Variants in SLC45A2 observed in about 807,000 individuals in gnomAD.
The protein encoded by SLC45A2 is solute carrier family 45 member 2.
In SLC45A2, 36 loss-of-function variants were observed where a neutral mutation model predicts 45.5. The observed-to-expected ratio is 0.79, with a 90% confidence interval of 0.61 to 1.04. The LOEUF is 1.04. Among genes scored for constraint, SLC45A2 ranks in the 50% least tolerant of loss-of-function variants. The probability of loss-of-function intolerance (pLI) is 0.00; values close to 1 mark genes in which losing one functional copy is unlikely to be tolerated. For synonymous variants in SLC45A2, 306 were observed against 269.3 expected, an observed-to-expected ratio of 1.14 and a Z score of -1.33; for missense variants, 719 against 671.0, an observed-to-expected ratio of 1.07 and a Z score of -0.79.
intron 3 of SLC45A2, among the ~76,000 whole-genome samples, chr5:33,959,304 G>A (rs962658213): frequency 2.6e-5 from 4 of 151,990 alleles, no homozygotes; most frequent in Non-Finnish European, 4.4e-5. Flanking sequence ...TTTAATGACC[G>A]CATGAATGTT....
intron 3 of SLC45A2, among the ~76,000 whole-genome samples, chr5:33,958,240 A>G (rs1752335195): frequency 6.6e-6 from 1 of 152,208 alleles, no homozygotes; most frequent in Non-Finnish European, 1.5e-5. Flanking sequence ...GATCTGGTTT[A>G]AACTTCTGAA....
intron 5 of SLC45A2, among the ~76,000 whole-genome samples, chr5:33,950,126 G>A (rs1038298394): frequency 6.6e-6 from 1 of 152,056 alleles, no homozygotes; most frequent in African/African-American, 2.4e-5. Context: ...GAAGGTTGAG[G>A]CTGCAGTGAG....
intron 2 of SLC45A2, among the ~76,000 whole-genome samples, chr5:33,981,512 C>A (rs1753072405): frequency 1.3e-5 from 2 of 152,306 alleles, no homozygotes; most frequent in South Asian, 4.1e-4. Context: ...GGCCAGGATC[C>A]TCCTGTCGCC....
At chr5:33,979,025 A>C (rs1753002818) in intron 2 of SLC45A2, among the ~76,000 whole-genome samples, 1 of 152,250 alleles carries the variant, frequency 6.6e-6, no homozygotes, top group Non-Finnish European at 1.5e-5. Context: ...AACTCATAAA[A>C]ATACTGTCAA....
chr5:33,959,024 T>A (rs1286009483), intron 3 of SLC45A2, among the ~76,000 whole-genome samples: 2 of 152,218 alleles, frequency 1.3e-5, no homozygotes, highest in African/African-American at 4.8e-5. Context: ...AATCACCACA[T>A]TATTTTTTAA....
intron 5 of SLC45A2, among the ~76,000 whole-genome samples, chr5:33,948,440 A>G (rs944203109): frequency 6.6e-6 from 1 of 152,242 alleles, no homozygotes; most frequent in African/African-American, 2.4e-5. Flanking sequence ...CAGAGGATAA[A>G]TAACAGATAC....
chr5:33,970,850 A>G (rs1471045144), intron 2 of SLC45A2: 1 of 325,468 alleles, frequency 3.1e-6, no homozygotes, highest in Non-Finnish European at 6.0e-6. Flanking sequence ...ATAAACAAAT[A>G]GCACTTCTCA....
Position 33,971,729 on chromosome 5 carries a change from C to T in SLC45A2, c.563-7713G>A, listed in dbSNP as rs538614443. 9.2e-5 allele frequency among the ~76,000 whole-genome samples: 14 copies of T among 152,248 alleles called. No homozygotes were observed. The South Asian group carries it at 2.5e-3, about 27-fold the overall frequency. On this transcript the variant is annotated intron_variant, in intron 2 of 6. Coordinates refer to ENST00000296589, the MANE Select transcript of SLC45A2 (RefSeq NM_016180.5). The stretch of plus-strand genomic sequence containing the variant: ...GTAACCTCCACCTTCTGGGTTCAAG[C>T]GATTCTCCTGCCTCAGCCTTCTGAG...
At chr5:33,970,758 T>C (rs776465073) in intron 2 of SLC45A2, 6 of 248,666 alleles carry the variant, frequency 2.4e-5, no homozygotes, top group Non-Finnish European at 4.7e-5. Flanking sequence ...CTATTCAAGA[T>C]AGTGGTGGTC....
chr5:33,952,678 T>G (rs900683412), intron 4 of SLC45A2, among the ~76,000 whole-genome samples: 2 of 88,054 alleles, frequency 2.3e-5, no homozygotes, highest in East Asian at 4.4e-4. Flanking sequence ...GCAAAAGTTT[T>G]TTTTTTTTTT....
chr5:33,961,585 T>G (rs1752457424), intron 3 of SLC45A2, among the ~76,000 whole-genome samples: 1 of 152,192 alleles, frequency 6.6e-6, no homozygotes, highest in Non-Finnish European at 1.5e-5. Context: ...ATCTCTTCCA[T>G]AACGCTTTTC....
chr5:33,973,026 T>C (rs1752830757), intron 2 of SLC45A2, among the ~76,000 whole-genome samples: 1 of 152,078 alleles, frequency 6.6e-6, no homozygotes, highest in Non-Finnish European at 1.5e-5. Flanking sequence ...AATAAATAAA[T>C]GAAAAAATAA....
intron 2 of SLC45A2, among the ~76,000 whole-genome samples, chr5:33,969,065 C>CTGTGTGTGTGTGTGTGTGTG (rs66961145): frequency 9.8e-6 from 1 of 102,392 alleles, no homozygotes; most frequent in African/African-American, 3.7e-5. Flanking sequence ...CTCTCTCTCT[C>CTGTGTGTGTGTGTGTGTGTG]TGTGTGTGTG....
intron 3 of SLC45A2, among the ~76,000 whole-genome samples, chr5:33,962,257 C>T (rs1215941729): frequency 6.6e-6 from 1 of 152,192 alleles, no homozygotes; most frequent in Non-Finnish European, 1.5e-5. Flanking sequence ...GGACATTTGT[C>T]AGTTTTATGG....
chr5:33,974,893 C>CAT (rs1438224501), intron 2 of SLC45A2, among the ~76,000 whole-genome samples: 2 of 151,854 alleles, frequency 1.3e-5, no homozygotes, highest in South Asian at 2.1e-4. Context: ...GACAAATCTG[C>CAT]ATATATATAT....
intron 4 of SLC45A2, 92 bp from the exon 5 acceptor site, chr5:33,951,769 T>C (rs745367519): frequency 2.6e-6 from 4 of 1,528,428 alleles, no homozygotes; most frequent in Non-Finnish European, 1.8e-6. Flanking sequence ...GGGGAGCAAA[T>C]GTCCCTGCCT....
At chr5:33,954,221 C>A (rs1292479021) in intron 4 of SLC45A2, 140 bp downstream of exon 4, 4 of 1,206,050 alleles carry the variant, frequency 3.3e-6, no homozygotes, top group African/African-American at 1.5e-5. Context: ...CTACACCTGT[C>A]TGTAAGTCAG....
intron 3 of SLC45A2, among the ~76,000 whole-genome samples, chr5:33,956,184 G>T (rs1452133221): frequency 6.6e-6 from 1 of 152,180 alleles, no homozygotes; most frequent in Non-Finnish European, 1.5e-5. Flanking sequence ...TGATGGAAAA[G>T]TTAAGGTTCA....
chr5:33,947,502 A>C, intron 5 of SLC45A2, 128 bp from the exon 6 acceptor site: 1 of 909,684 alleles, frequency 1.1e-6, no homozygotes, highest in South Asian at 1.5e-5. Flanking sequence ...GGAACAAAAG[A>C]ATCCCCTTAT....
Sources: allele counts gnomAD v4.1 joint callset (sites outside exome capture counted in the v4.1 genomes callset), GRCh38; gene constraint gnomAD v4.1.1; transcripts MANE v1.5; gene names NCBI Gene and HGNC (gene_info 2026-07-23, HGNC 2026-07-21).